SYT8: variants seen among roughly 807,000 people sequenced by gnomAD.
SYT8 encodes the protein synaptotagmin-8.
A neutral mutation model predicts 34.9 loss-of-function variants in SYT8; 50 were observed. The ratio of observed to expected loss-of-function variants is 1.43; its 90% CI spans 1.14 to 1.81. The LOEUF is 1.81. Among genes scored for constraint, SYT8 ranks in the 40% most tolerant of loss-of-function variants. SYT8 has a pLI of 0.00. For missense variants in SYT8, 595 were observed against 529.0 expected (o/e 1.12, Z -1.22); for synonymous variants, 255 against 234.2 (o/e 1.09, Z -0.81).
upstream of SYT8, chr11:1,834,545 T>C (rs1183860195): frequency 6.4e-7 from 1 of 1,564,280 alleles, no homozygotes; most frequent in Admixed American, 1.9e-5. The surrounding 1 kb of genome is among the most constrained non-coding windows in gnomAD (Gnocchi z 4.5). Context: ...CCTCTGGGCT[T>C]CCAAGTTCCT....
At chr11:1,833,142 C>T (rs560013298), upstream of SYT8, among the ~76,000 whole-genome samples, 1 of 152,204 alleles carries the variant, frequency 6.6e-6, no homozygotes, top group African/African-American at 2.4e-5. Context: ...CAGTCCCGCT[C>T]CAGGGACCCT....
chr11:1,834,887 C>G, upstream of SYT8: 1 of 629,470 alleles, frequency 1.6e-6, no homozygotes, highest in South Asian at 1.9e-5. The surrounding 1 kb of genome is among the most constrained non-coding windows in gnomAD (Gnocchi z 4.5). Flanking sequence ...GCCTGGGCAG[C>G]TAAGCTGGAG....
intron 5 of SYT8, 76 bp from the exon 6 acceptor site, chr11:1,836,680 C>T: frequency 6.3e-7 from 1 of 1,592,086 alleles, no homozygotes. Context: ...GCCTGATGGG[C>T]AGCATTTTCG....
In SYT8 at chr11:1,836,894, GA is replaced by G. The variant is rs771322397; in HGVS notation, c.790+34del. ...TCACACCTGCCCACGTTGTTGTACAGAGGGGGGGCCCGTGCTCAGCCCCGAG... is the reference window on the plus strand; with the variant it reads ...TCACACCTGCCCACGTTGTTGTACAGGGGGGGGCCCGTGCTCAGCCCCGAG... On this transcript the variant is annotated intron_variant, in intron 6 of 7. Transcript: ENST00000341958. 1.9e-6 allele frequency: 3 copies of G among 1,612,606 alleles called. No homozygotes were observed. In the African/African-American group the frequency reaches 4.0e-5, roughly 22 times the overall value.
chr11:1,836,143 G>T lies in SYT8; in HGVS notation c.375G>T (p.Arg125Ser). The T allele has an allele frequency of 6.6e-7, 1 of 1,504,622 alleles. No homozygotes were observed. The highest frequency in any genetic ancestry group is 8.9e-7 in the Non-Finnish European group (1 of 1,127,358). The allele number at this position is 1,504,622 out of a possible 1,614,324, so 93.2% of individuals were successfully genotyped here. ...FGSQEIRVGLRQAADLRPGGT... is the reference protein window; with the variant it reads ...FGSQEIRVGLSQAADLRPGGT... ...GCTCCCAGATCAGGGTGGGCCTGAG[G>T]CAGGCAGCCGACCTGAGGCCTGGGG... The change falls in exon 4 of 8, where the codon AGG (arginine) becomes AGT (serine). Residue 125 changes from arginine (R) to serine (S), a missense_variant. Arg to Ser is a moderately radical substitution (Grantham distance 110). Transcript: ENST00000341958.
At chr11:1,833,114 G>A (rs916993348), upstream of SYT8, among the ~76,000 whole-genome samples, 1 of 152,220 alleles carries the variant, frequency 6.6e-6, no homozygotes, top group African/African-American at 2.4e-5. Flanking sequence ...GCAGTGGCCT[G>A]TTTGAATCTG....
chr11:1,835,437 G>A lies in SYT8; in HGVS notation c.236G>A (p.Arg79His), dbSNP rs551098972. Residue 79 changes from arginine (R) to histidine (H), a missense_variant, in exon 2 of 8, where the codon CGC (arginine) becomes CAC (histidine). By Grantham distance (29) the Arg-to-His change is conservative. Coordinates refer to ENST00000341958, the MANE Select transcript of SYT8 (RefSeq NM_001394072.1). ...DKESVGLGSA[R>H]GTTTTHLVQP... ...GAGTCCGTGGGTCTGGGCAGTGCCC[G>A]CGGCACCACCACCACCCACCTGGTG... 681 of 1,609,534 alleles carry A rather than the reference G, an allele frequency of 4.2e-4. 20 individuals are homozygous for A. In the South Asian group the frequency reaches 6.8e-3, roughly 16 times the overall value.
upstream of SYT8, chr11:1,834,829 C>T: frequency 1.6e-6 from 1 of 643,364 alleles, no homozygotes; most frequent in Non-Finnish European, 2.7e-6. The surrounding 1 kb of genome is among the most constrained non-coding windows in gnomAD (Gnocchi z 4.5). Flanking sequence ...CCAGGCCCTG[C>T]CTGCTTGGCT....
intron 4 of SYT8, 62 bp from the exon 5 acceptor site, chr11:1,836,363 G>T: frequency 6.7e-7 from 1 of 1,498,386 alleles, no homozygotes. Context: ...AGCTGGGTGG[G>T]CCTGGGCAGC....
upstream of SYT8, among the ~76,000 whole-genome samples, chr11:1,833,627 G>A (rs1052832265): frequency 2.0e-5 from 3 of 152,158 alleles, no homozygotes; most frequent in Non-Finnish European, 2.9e-5. Flanking sequence ...CGGTCCACTC[G>A]TCTGTAAAAC....
chr11:1,836,657 A>T, intron 5 of SYT8, 65 bp downstream of exon 5: 1 of 1,594,434 alleles, frequency 6.3e-7, no homozygotes, highest in Non-Finnish European at 8.5e-7. Context: ...CCTATGGGCC[A>T]TCGGAAAGAC....
rs535778277 is a variant in SYT8, at chr11:1,835,632, T to C, written c.258+173T>C. 1.3e-3 allele frequency: 1,069 copies of C among 834,732 alleles called. 3 individuals carry two copies. Among genetic ancestry groups the C allele is most frequent in the Admixed American group, 1.5e-3 (65 of 42,312 alleles). The allele number at this position is 834,732 out of a possible 1,614,324, so 51.7% of individuals were successfully genotyped here. A position where few individuals can be genotyped will look rare whatever the true frequency, so the allele number is the denominator to read the frequency against. On this transcript the variant is annotated intron_variant, in intron 2 of 7. Transcript: ENST00000341958. ...GTGAACAGAGGTGAGAAGGAGGCCA[T>C]GCAACAGGGGCTGCCCCATGGGCCC...
chr11:1,835,929 C>G lies in SYT8; in HGVS notation c.302C>G (p.Ala101Gly). ...VDGLESSPGD[A>G]QQWGCLQLSL... ...GGCCTGGAGTCCAGCCCGGGGGATG[C>G]TCAGCAATGGGGGTGCCTGCAGCTC... The change falls in exon 3 of 8, where the codon GCT (alanine) becomes GGT (glycine). Residue 101 changes from alanine (A) to glycine (G), a missense_variant. Ala to Gly is a moderately conservative substitution (Grantham distance 60). Coordinates refer to ENST00000341958, the MANE Select transcript of SYT8 (RefSeq NM_001394072.1). 1 of 1,608,568 alleles carries G rather than the reference C, an allele frequency of 6.2e-7. No homozygotes were observed. Among genetic ancestry groups the G allele is most frequent in the Non-Finnish European group, 8.5e-7 (1 of 1,178,562 alleles).
rs1846890342 is a variant in SYT8 at position 1,835,936 on chromosome 11, A to G, written c.309A>G (p.Gln103=). ...GLESSPGDAQ[Q]WGCLQLSLEF... is the part of the protein sequence containing the mutation. The stretch of plus-strand genomic sequence containing the variant: ...AGTCCAGCCCGGGGGATGCTCAGCA[A>G]TGGGGGTGCCTGCAGCTCTCCCTGG... The change falls in exon 3 of 8, where the codon CAA becomes CAG. Residue 103 remains glutamine (Q), a synonymous_variant. Transcript: ENST00000341958. The G allele has an allele frequency of 6.2e-7, 1 of 1,608,874 alleles. No individual in the cohort carries two copies. Among genetic ancestry groups the G allele is most frequent in the South Asian group, 1.1e-5 (1 of 90,402 alleles).
At chr11:1,837,167 C>CA in intron 7 of SYT8, 25 bp from the exon 8 acceptor site, 8 of 1,588,274 alleles carry the variant, frequency 5.0e-6, no homozygotes, top group Non-Finnish European at 6.9e-6. Flanking sequence ...CCCCCAACTC[C>CA]AACCTCTGGC....
Position 1,835,178 on chromosome 11 carries a change from G to C in SYT8, c.73G>C (p.Asp25His). ...CACAGCTATACCTGGGCTTATTCCA[G>C]ACCTTGTCGCCGGGACCCCCTGTGA... Reference protein sequence around the residue: ...GTTAIPGLIPDLVAGTPWPRW... With the variant: ...GTTAIPGLIPHLVAGTPWPRW... The change falls in exon 1 of 8, where the codon GAC (aspartate) becomes CAC (histidine). Residue 25 changes from aspartate (D) to histidine (H), a missense_variant. Transcript: ENST00000341958. The C allele has an allele frequency of 6.2e-7, 1 of 1,613,418 alleles. No homozygotes were observed. The highest frequency in any genetic ancestry group is 8.5e-7 in the Non-Finnish European group (1 of 1,179,926).
At chr11:1,834,305 G>C (rs1200016639), upstream of SYT8, 1 of 541,926 alleles carries the variant, frequency 1.8e-6, no homozygotes, top group Admixed American at 3.5e-5. This position sits in a 1 kb window ranked among gnomAD's most constrained non-coding sequence, Gnocchi z 4.5. Flanking sequence ...CCCACATGCC[G>C]AAGGGTGGCC....
At chr11:1,834,540 G>A (rs1231773120), upstream of SYT8, 1 of 1,559,590 alleles carries the variant, frequency 6.4e-7, no homozygotes, top group African/African-American at 1.4e-5. This position sits in a 1 kb window ranked among gnomAD's most constrained non-coding sequence, Gnocchi z 4.5. Context: ...AGACCCCTCT[G>A]GGCTTCCAAG....
chr11:1,836,542 C>T lies in SYT8; in HGVS notation c.634C>T (p.Gln212Ter), dbSNP rs1486530466. Residue 212 changes from glutamine to a stop codon, truncating the protein, a stop_gained, in exon 5 of 8, where the codon CAG becomes TAG. Coordinates refer to ENST00000341958, the MANE Select transcript of SYT8 (RefSeq NM_001394072.1). LOFTEE classifies it high-confidence loss of function. ...TCTGCCACTGGGCACCGTGGATCTG[C>T]AGCATGTTCTGGAGCACTGGTACCT... ...LRLPLGTVDL[Q>*]HVLEHWYLLG... is the part of the protein sequence containing the mutation. 6.2e-7 allele frequency: 1 copy of T among 1,612,720 alleles called. No homozygotes were observed.
Sources: allele counts gnomAD v4.1 joint callset (sites outside exome capture counted in the v4.1 genomes callset), GRCh38; gene constraint gnomAD v4.1.1; non-coding constraint Gnocchi (gnomAD v3.1); transcripts MANE v1.5; gene names NCBI Gene and HGNC (gene_info 2026-07-23, HGNC 2026-07-21).